Variants in BPIFB3 observed in about 807,000 individuals in gnomAD.
BPIFB3 encodes the protein BPI fold-containing family B member 3.
A neutral mutation model predicts 53.1 loss-of-function variants in BPIFB3; 49 were observed. The ratio of observed to expected loss-of-function variants is 0.92; its 90% CI spans 0.73 to 1.17. The LOEUF (loss-of-function observed/expected upper bound fraction) is 1.17, where lower values mean the gene tolerates loss of function less well. Among genes scored for constraint, BPIFB3 ranks in the 50% most tolerant of loss-of-function variants. The pLI, the probability that BPIFB3 is intolerant of heterozygous loss-of-function variation, is 0.00. For synonymous variants in BPIFB3, 271 were observed against 269.6 expected (o/e 1.01, Z -0.05); for missense variants, 628 against 592.5 (o/e 1.06, Z -0.62).
intron 10 of BPIFB3, 144 bp from the exon 12 acceptor site, chr20:33,069,744 T>C: frequency 1.3e-6 from 1 of 787,964 alleles, no homozygotes; most frequent in South Asian, 1.6e-5. Flanking sequence ...ACCTTCAAAT[T>C]ACCTTCTCAG....
intron 8 of BPIFB3, among the ~76,000 whole-genome samples, chr20:33,066,085 G>A (rs1005758264): frequency 6.6e-6 from 1 of 152,200 alleles, no homozygotes; most frequent in Non-Finnish European, 1.5e-5. Context: ...GGTGCTGCAT[G>A]TATGCTTATC....
chr20:33,056,925 T>C (rs1265392426), intron 2 of BPIFB3, among the ~76,000 whole-genome samples: 1 of 152,178 alleles, frequency 6.6e-6, no homozygotes, highest in Admixed American at 6.5e-5. Context: ...AGTTACTCAC[T>C]GTTTGACCTT....
intron 6 of BPIFB3, 68 bp from the exon 8 acceptor site, chr20:33,064,389 G>A: frequency 7.7e-7 from 1 of 1,302,172 alleles, no homozygotes; most frequent in East Asian, 2.3e-5. Flanking sequence ...TCAATAAATG[G>A]AAATAGGGGC....
chr20:33,066,650 C>A (rs1202977619), intron 8 of BPIFB3, among the ~76,000 whole-genome samples, 174 bp from the exon 10 acceptor site: 7 of 152,212 alleles, frequency 4.6e-5, no homozygotes, highest in Non-Finnish European at 8.8e-5. Context: ...GTCTGGCATG[C>A]AGTAAGTGCT....
At chr20:33,060,019 G>A (rs546230640) in exon 4 of BPIFB3, 3 of 1,613,946 alleles carry the variant, frequency 1.9e-6, no homozygotes, top group Admixed American at 3.3e-5. Flanking sequence ...GGCCACATCA[G>A]CCTGTTCTCA....
intron 13 of BPIFB3, 138 bp from the exon 15 acceptor site, chr20:33,072,579 A>G: frequency 4.1e-6 from 3 of 733,788 alleles, no homozygotes; most frequent in South Asian, 1.8e-5. Context: ...GAGTTTGCCA[A>G]TAAGAAGCTG....
Position 33,072,102 on chromosome 20 carries a change from A to G in BPIFB3, c.1261-2A>G, listed in dbSNP as rs1456054038. 1.2e-6 allele frequency: 2 copies of G among 1,614,062 alleles called. No individual in the cohort carries two copies. Among genetic ancestry groups the G allele is most frequent in the Non-Finnish European group, 1.7e-6 (2 of 1,180,024 alleles). On this transcript the variant is annotated splice_acceptor_variant, in intron 12 of 14. Coordinates refer to ENST00000375494, the Ensembl canonical transcript of BPIFB3. LOFTEE classifies it high-confidence loss of function. ...CCCACCACCCTGTGTGTTCTGTTGC[A>G]GGGATCGCGTTTAGAAGAATGGCTC...
At chr20:33,066,728 AG>A (rs1233806287) in intron 8 of BPIFB3, 95 bp from the exon 10 acceptor site, 5 of 1,151,056 alleles carry the variant, frequency 4.3e-6, no homozygotes, top group Non-Finnish European at 5.2e-6. Context: ...TTGGCAGGGT[AG>A]GGGGAAGAGT....
intron 9 of BPIFB3, 59 bp from the exon 11 acceptor site, chr20:33,068,744 T>G (rs1312812210): frequency 6.5e-7 from 1 of 1,542,040 alleles, no homozygotes; most frequent in Non-Finnish European, 8.8e-7. Context: ...GAGTGTTTGC[T>G]GACTGACTGA....
chr20:33,065,039 G>A (rs1328523085), intron 8 of BPIFB3, among the ~76,000 whole-genome samples, 194 bp downstream of exon 9: 2 of 152,140 alleles, frequency 1.3e-5, no homozygotes, highest in Admixed American at 6.5e-5. Context: ...CTAATCGATC[G>A]TGGTCCTCTA....
upstream of BPIFB3, among the ~76,000 whole-genome samples, chr20:33,054,400 T>A (rs1385208491): frequency 6.6e-6 from 1 of 152,050 alleles, no homozygotes; most frequent in Non-Finnish European, 1.5e-5. Flanking sequence ...TAATTGCAAA[T>A]GGAGATCAGC....
At chr20:33,068,827 C>G in exon 10 of BPIFB3, 1 of 1,613,898 alleles carries the variant, frequency 6.2e-7, no homozygotes, top group South Asian at 1.1e-5. Flanking sequence ...GCCCCTGCAC[C>G]AGCAACTCCT....
chr20:33,059,774 G>A (rs1444244488), intron 3 of BPIFB3, 117 bp from the exon 5 acceptor site: 6 of 1,408,230 alleles, frequency 4.3e-6, no homozygotes, highest in Non-Finnish European at 5.7e-6. Context: ...ATGGGGCAGG[G>A]AGGCAGAGGC....
At position 33,060,002 on chromosome 20, in the gene BPIFB3, G is replaced by A. The variant is rs757918943; in HGVS notation, c.498G>A (p.Thr166=). The A allele has an allele frequency of 9.3e-6, 15 of 1,613,966 alleles. 1 individual carries two copies. Among genetic ancestry groups the A allele is most frequent in the Admixed American group, 5.0e-5 (3 of 60,004 alleles). The change falls in exon 4 of 15, where the codon ACG becomes ACA. Residue 166 remains threonine, a synonymous_variant. Transcript: ENST00000375494. ...TCCTTATCCTCAAGCGCTGCAGCAC[G>A]CTCCTGGGCCACATCAGCCTGTTCT...
chr20:33,060,157 G>A, intron 4 of BPIFB3, 126 bp downstream of exon 5: 1 of 1,300,718 alleles, frequency 7.7e-7, no homozygotes, highest in Non-Finnish European at 1.0e-6. Flanking sequence ...ACCCCTGCTT[G>A]TCCCGCCGGT....
At chr20:33,073,834 C>G (rs754072977), downstream of BPIFB3, among the ~76,000 whole-genome samples, 1 of 152,248 alleles carries the variant, frequency 6.6e-6, no homozygotes, top group African/African-American at 2.4e-5. Flanking sequence ...ATAAATGACT[C>G]CTGTATCTCG....
intron 12 of BPIFB3, 55 bp from the exon 14 acceptor site, chr20:33,072,049 C>T: frequency 6.3e-7 from 1 of 1,582,988 alleles, no homozygotes; most frequent in Non-Finnish European, 8.7e-7. Flanking sequence ...ATGCTGCTGC[C>T]TGTAAAGCCA....
intron 8 of BPIFB3, 108 bp downstream of exon 9, chr20:33,064,953 T>C: frequency 8.0e-7 from 1 of 1,242,522 alleles, no homozygotes; most frequent in Admixed American, 2.5e-5. Flanking sequence ...CCCTCCTCTC[T>C]ATAATAAAAG....
At chr20:33,070,650 T>A (rs751697087) in intron 11 of BPIFB3, among the ~76,000 whole-genome samples, 2 of 152,220 alleles carry the variant, frequency 1.3e-5, no homozygotes, top group Non-Finnish European at 2.9e-5. Context: ...CCTGACGTCC[T>A]ACGCCACAGG....
Sources: allele counts gnomAD v4.1 joint callset (sites outside exome capture counted in the v4.1 genomes callset), GRCh38; gene constraint gnomAD v4.1.1; transcripts MANE v1.5; gene names NCBI Gene and HGNC (gene_info 2026-07-23, HGNC 2026-07-21).